BDP1: variants seen among roughly 807,000 people sequenced by gnomAD.
BDP1 encodes the protein transcription factor TFIIIB component B'' homolog.
A neutral mutation model predicts 266.6 loss-of-function variants in BDP1; 169 were observed. The observed-to-expected ratio is 0.63, with a 90% CI of 0.56 to 0.72. The LOEUF (loss-of-function observed/expected upper bound fraction) is 0.72, where lower values mean the gene tolerates loss of function less well. Among genes scored for constraint, BDP1 ranks in the 30% least tolerant of loss-of-function variants. The pLI is 0.00. For synonymous variants in BDP1, 1,090 were observed against 1,022.4 expected (o/e 1.07, Z -1.26); for missense variants, 3,015 against 3,053.8 (o/e 0.99, Z 0.30).
intron 2 of BDP1, among the ~76,000 whole-genome samples, chr5:71,461,341 G>T (rs1234485659): frequency 6.6e-6 from 1 of 151,856 alleles, no homozygotes; most frequent in African/African-American, 2.4e-5. Context: ...CTGCCTGGGT[G>T]TGTGGTTCAC....
intron 7 of BDP1, among the ~76,000 whole-genome samples, chr5:71,476,643 C>A (rs1762604282): frequency 6.6e-6 from 1 of 152,096 alleles, no homozygotes; most frequent in Non-Finnish European, 1.5e-5. Flanking sequence ...CAGGTTCAAG[C>A]CCTTCTCCTG....
chr5:71,491,854 A>C (rs2150413896), intron 11 of BDP1, among the ~76,000 whole-genome samples: 1 of 152,228 alleles, frequency 6.6e-6, no homozygotes, highest in Non-Finnish European at 1.5e-5. Flanking sequence ...AGAAGCTGGG[A>C]CCACAGGCAT....
At chr5:71,504,538 T>TAA in intron 15 of BDP1, 83 bp from the exon 16 acceptor site, 1 of 1,235,180 alleles carries the variant, frequency 8.1e-7, no homozygotes, top group East Asian at 2.4e-5. Context: ...TACCATTTTA[T>TAA]ACTTAAATTG....
At chr5:71,540,403 C>A (rs1038101482) in intron 28 of BDP1, among the ~76,000 whole-genome samples, 1 of 152,180 alleles carries the variant, frequency 6.6e-6, no homozygotes, top group African/African-American at 2.4e-5. Context: ...TCTTGGCTCA[C>A]TGCAACCTCT....
intron 25 of BDP1, among the ~76,000 whole-genome samples, chr5:71,525,277 C>T: frequency 1.4e-5 from 2 of 147,028 alleles, no homozygotes; most frequent in Non-Finnish European, 1.5e-5. Flanking sequence ...ACCCCCCCCA[C>T]CTCCCTCCCG....
At position 71,545,069 on chromosome 5, in the gene BDP1, G is replaced by A. The variant is rs760782560; in HGVS notation, c.6594G>A (p.Glu2198=). 6 of 1,613,358 alleles carry A rather than the reference G, an allele frequency of 3.7e-6. No individual in the cohort carries two copies. The African/African-American group carries it at 8.0e-5, about 22-fold the overall frequency. Residue 2198 remains glutamate (E), a synonymous_variant, in exon 32 of 39, where the codon GAG becomes GAA. Coordinates refer to ENST00000358731, the MANE Select transcript of BDP1 (RefSeq NM_018429.3). ...AAAATCAAGAAGAGAGCTCTCAGGA[G>A]GTTCACATGTTGTCAGTTGCTCCAG... is the stretch of plus-strand genomic sequence containing the variant. ...RNENQEESSQ[E]VHMLSVAPVA...
At chr5:71,564,649 T>G in intron 38 of BDP1, 105 bp from the exon 39 acceptor site, 1 of 1,065,416 alleles carries the variant, frequency 9.4e-7, no homozygotes, top group Non-Finnish European at 1.3e-6. Flanking sequence ...CCACGTTGCT[T>G]TTCAAACAGA....
chr5:71,525,513 G>A (rs1765776700), intron 25 of BDP1, among the ~76,000 whole-genome samples: 1 of 136,100 alleles, frequency 7.3e-6, no homozygotes, highest in African/African-American at 2.8e-5. Context: ...CCTCCCTCCC[G>A]GACGGGGCGG....
intron 27 of BDP1, 107 bp from the exon 28 acceptor site, chr5:71,539,450 A>T: frequency 1.3e-6 from 1 of 772,654 alleles, no homozygotes; most frequent in Non-Finnish European, 2.1e-6. Flanking sequence ...CTCAGAGGAT[A>T]TTGGAATCTG....
chr5:71,561,109 AG>A (rs1743618562), intron 37 of BDP1, among the ~76,000 whole-genome samples: 1 of 151,758 alleles, frequency 6.6e-6, no homozygotes, highest in African/African-American at 2.4e-5. Context: ...CTCTGAAAAA[AG>A]AAAAAAAAAG....
chr5:71,462,172 T>C (rs1386005341), intron 3 of BDP1, among the ~76,000 whole-genome samples: 1 of 152,030 alleles, frequency 6.6e-6, no homozygotes, highest in Non-Finnish European at 1.5e-5. Flanking sequence ...CATGTTGGCT[T>C]GCCTGGTTTT....
intron 7 of BDP1, 50 bp downstream of exon 7, chr5:71,470,539 A>T: frequency 8.4e-7 from 1 of 1,188,234 alleles, no homozygotes; most frequent in Non-Finnish European, 1.2e-6. Context: ...CAAACATTAC[A>T]AATGTTAGTA....
intron 25 of BDP1, 132 bp downstream of exon 25, chr5:71,524,455 C>G: frequency 9.8e-7 from 1 of 1,016,314 alleles, no homozygotes; most frequent in Non-Finnish European, 1.4e-6. Flanking sequence ...ATAACCTCTA[C>G]CAAATATAAT....
At chr5:71,562,619 CAG>C in intron 38 of BDP1, 99 bp downstream of exon 38, 2 of 1,505,634 alleles carry the variant, frequency 1.3e-6, no homozygotes, top group Non-Finnish European at 9.0e-7. Flanking sequence ...TATTTGATGT[CAG>C]AAATTATTTT....
intron 30 of BDP1, among the ~76,000 whole-genome samples, chr5:71,543,289 GAAAAA>G (rs1767081723): frequency 6.6e-6 from 1 of 151,586 alleles, no homozygotes; most frequent in South Asian, 2.1e-4. Context: ...CTCAAAAAAA[GAAAAA>G]AGAAAAAAGA....
At chr5:71,458,241 A>G (rs925731832) in intron 1 of BDP1, among the ~76,000 whole-genome samples, 1 of 152,080 alleles carries the variant, frequency 6.6e-6, no homozygotes, top group Non-Finnish European at 1.5e-5. Flanking sequence ...ATAAATTATT[A>G]CTTTGTTACT....
chr5:71,552,281 T>C (rs1742863030), intron 34 of BDP1, among the ~76,000 whole-genome samples: 1 of 148,220 alleles, frequency 6.7e-6, no homozygotes, highest in African/African-American at 2.5e-5. Flanking sequence ...GCAGAGACGC[T>C]CCTCACTTCC....
intron 15 of BDP1, among the ~76,000 whole-genome samples, chr5:71,503,845 C>T (rs1764407819): frequency 6.6e-6 from 1 of 151,998 alleles, no homozygotes; most frequent in African/African-American, 2.4e-5. Flanking sequence ...GTGGTGTGCT[C>T]CTATAGTCCC....
intron 25 of BDP1, among the ~76,000 whole-genome samples, chr5:71,526,067 C>T (rs1765848192): frequency 6.6e-6 from 1 of 152,316 alleles, no homozygotes; most frequent in South Asian, 2.1e-4. Context: ...AATCTCGGCA[C>T]TTTGGGGGGC....
Sources: gnomAD v4.1 joint callset for allele counts (sites outside exome capture counted in the v4.1 genomes callset) on GRCh38, gnomAD v4.1.1 for gene constraint, MANE v1.5 for transcripts, NCBI Gene and HGNC (gene_info 2026-07-23, HGNC 2026-07-21) for gene names.